The following SYNJ1 variants were observed in gnomAD, a reference collection of about 807,000 sequenced individuals.
SYNJ1 encodes the protein polyphosphatidylinositol phosphatase SYNJ1.
A neutral mutation model predicts 168.2 loss-of-function variants in SYNJ1; 78 were observed. The ratio of observed to expected loss-of-function variants is 0.46; its 90% CI spans 0.39 to 0.56. The LOEUF (loss-of-function observed/expected upper bound fraction) is 0.56. Among genes scored for constraint, SYNJ1 ranks in the 20% least tolerant of loss-of-function variants. SYNJ1 has a pLI of 0.00. For missense variants in SYNJ1, 1,303 were observed against 1,597.6 expected (o/e 0.82, Z 3.14); for synonymous variants, 539 against 548.6 (o/e 0.98, Z 0.24).
chr21:32,637,552 G>A (rs2039632346), intron 31 of SYNJ1, among the ~76,000 whole-genome samples: 1 of 151,738 alleles, frequency 6.6e-6, no homozygotes, highest in African/African-American at 2.4e-5. Context: ...GGGACTACAG[G>A]CGCACACCAC....
intron 32 of SYNJ1, among the ~76,000 whole-genome samples, chr21:32,633,464 C>T (rs1430776624): frequency 6.6e-6 from 1 of 152,068 alleles, no homozygotes; most frequent in Non-Finnish European, 1.5e-5. Flanking sequence ...GTATATAATT[C>T]TTAAAACTAG....
chr21:32,715,585 T>C (rs1601525967), intron 2 of SYNJ1, among the ~76,000 whole-genome samples: 1 of 152,108 alleles, frequency 6.6e-6, no homozygotes, highest in East Asian at 1.9e-4. Context: ...ATTCAAGAGA[T>C]TACAGCAATC....
Position 32,631,038 on chromosome 21 carries a change from A to G in SYNJ1, c.*767T>C, listed in dbSNP as rs764949465. The stretch of plus-strand genomic sequence containing the variant: ...CAGTGTGGGTGAAGCCTTAGAGGCC[A>G]AGGTCGTGAAAGGATCTACTGGAGG... On this transcript the variant is annotated 3_prime_UTR_variant, in exon 33 of 33. Transcript: ENST00000674351. 2 of 1,614,098 alleles carry G rather than the reference A, an allele frequency of 1.2e-6. No homozygotes were observed. The highest frequency in any genetic ancestry group is 1.7e-6 in the Non-Finnish European group (2 of 1,180,010).
chr21:32,669,963 T>C (rs190060012), intron 15 of SYNJ1, among the ~76,000 whole-genome samples: 1 of 152,318 alleles, frequency 6.6e-6, no homozygotes, highest in Admixed American at 6.5e-5. Context: ...GAAAAAGTTA[T>C]TTTTCAAAAA....
intron 30 of SYNJ1, 36 bp downstream of exon 30, chr21:32,639,635 T>C (rs760377581): frequency 6.4e-7 from 1 of 1,569,886 alleles, no homozygotes; most frequent in South Asian, 1.1e-5. Context: ...TGGGCTCAAG[T>C]GATCCTCCTG....
Position 32,694,208 on chromosome 21 carries a change from A to G in SYNJ1, c.789+20T>C. ...GAAAATTGTTCAAAAAACAAAAATAACTGAATGTCAAACACATACTTGCAA... is the reference window on the plus strand; with the variant it reads ...GAAAATTGTTCAAAAAACAAAAATAGCTGAATGTCAAACACATACTTGCAA... On this transcript the variant is annotated intron_variant, in intron 6 of 32. Coordinates refer to ENST00000674351, the MANE Select transcript of SYNJ1 (RefSeq NM_203446.3). 1 of 1,512,920 alleles carries G rather than the reference A, an allele frequency of 6.6e-7. No individual in the cohort carries two copies. The highest frequency in any genetic ancestry group is 1.4e-5 in the African/African-American group (1 of 69,344). 93.7% of individuals were successfully genotyped at this position (1,512,920 alleles called of 1,614,324 possible). A position where few individuals can be genotyped will look rare whatever the true frequency, so the allele number is the denominator to read the frequency against.
intron 2 of SYNJ1, among the ~76,000 whole-genome samples, chr21:32,708,650 C>T (rs1335691414): frequency 2.0e-5 from 3 of 152,282 alleles, no homozygotes; most frequent in African/African-American, 4.8e-5. Flanking sequence ...TGCTATAACA[C>T]CTCAGGAATA....
intron 2 of SYNJ1, among the ~76,000 whole-genome samples, chr21:32,703,059 T>A (rs768118134): frequency 6.6e-6 from 1 of 152,270 alleles, no homozygotes; most frequent in Non-Finnish European, 1.5e-5. Context: ...CTATAGAACA[T>A]CTCACTTTCC....
intron 18 of SYNJ1, among the ~76,000 whole-genome samples, chr21:32,660,178 AAAC>A (rs1375813430): frequency 6.6e-6 from 1 of 152,190 alleles, no homozygotes; most frequent in African/African-American, 2.4e-5. Context: ...CTATCTCTCA[AAAC>A]AACTAGATGG....
At chr21:32,712,411 CATAT>C (rs1255700072) in intron 2 of SYNJ1, among the ~76,000 whole-genome samples, 1 of 152,112 alleles carries the variant, frequency 6.6e-6, no homozygotes, top group East Asian at 1.9e-4. Flanking sequence ...TCCATTTCAT[CATAT>C]ATAAAGAGAA....
Position 32,639,653 on chromosome 21 carries a change from C to T in SYNJ1, c.3697+18G>A. ...GCTCAAGTGATCCTCCTGCCTCAGC[C>T]TCCCAAAGAGGACCTACCTTTCGAC... On this transcript the variant is annotated intron_variant, in intron 30 of 32. Coordinates refer to ENST00000674351, the MANE Select transcript of SYNJ1 (RefSeq NM_203446.3). The T allele has an allele frequency of 1.2e-6, 2 of 1,608,422 alleles. No individual in the cohort carries two copies. The highest frequency in any genetic ancestry group is 1.7e-6 in the Non-Finnish European group (2 of 1,175,524).
chr21:32,668,007 ATATG>A (rs1239508665), intron 15 of SYNJ1, among the ~76,000 whole-genome samples: 75 of 96,084 alleles, frequency 7.8e-4, no homozygotes, highest in South Asian at 3.3e-3. Context: ...AGAAGAATAT[ATATG>A]TGTGTGTGTG....
At chr21:32,701,811 A>G (rs1006955401) in intron 3 of SYNJ1, 150 bp downstream of exon 3, 1 of 532,496 alleles carries the variant, frequency 1.9e-6, no homozygotes, top group Non-Finnish European at 3.1e-6. Context: ...CATTATCACA[A>G]TATTAGCTAC....
chr21:32,706,947 A>T lies in SYNJ1; in HGVS notation c.125-4900T>A, dbSNP rs1475841. ...GTATAATCTTTAGATAAAATACAGCACTTGGAAATATTTTACAATCATCAC... is the reference window on the plus strand; with the variant it reads ...GTATAATCTTTAGATAAAATACAGCTCTTGGAAATATTTTACAATCATCAC... On this transcript the variant is annotated intron_variant, in intron 2 of 32. Transcript: ENST00000674351. Among the ~76,000 whole-genome samples, 18 of 152,132 alleles carry T rather than the reference A, an allele frequency of 1.2e-4. No individual in the cohort carries two copies. The East Asian group carries it at 3.5e-3, about 29-fold the overall frequency.
At position 32,646,578 on chromosome 21, in the gene SYNJ1, T is replaced by C; in HGVS notation, c.3062A>G (p.Glu1021Gly). 6.2e-7 allele frequency: 1 copy of C among 1,614,142 alleles called. No individual in the cohort carries two copies. Among genetic ancestry groups the C allele is most frequent in the South Asian group, 1.1e-5 (1 of 91,078 alleles). Residue 1021 changes from glutamate (E) to glycine (G), a missense_variant, in exon 24 of 33, where the codon GAA becomes GGA. Glu to Gly is a moderately conservative substitution (Grantham distance 98, BLOSUM62 -2). Transcript: ENST00000674351. ...ATGCTGAGGAAGAAGTTCCTCCACT[T>C]CAGCACTATAGTCATCAACATCACC... ...MEGDVDDYSA[E>G]VEELLPQHLQ...
chr21:32,638,362 A>G (rs2039673394), intron 31 of SYNJ1, among the ~76,000 whole-genome samples: 1 of 152,256 alleles, frequency 6.6e-6, no homozygotes, highest in African/African-American at 2.4e-5. Context: ...AGTTTTTTCA[A>G]AAGAGTTTAA....
chr21:32,706,738 T>C (rs1229802539), intron 2 of SYNJ1, among the ~76,000 whole-genome samples: 1 of 152,118 alleles, frequency 6.6e-6, no homozygotes, highest in African/African-American at 2.4e-5. Context: ...GGAAAAAAGA[T>C]TTCCTTATTT....
At chr21:32,709,471 C>CT (rs1223491677) in intron 2 of SYNJ1, among the ~76,000 whole-genome samples, 1 of 92,794 alleles carries the variant, frequency 1.1e-5, no homozygotes, top group Non-Finnish European at 2.0e-5. Flanking sequence ...CAGCAAGACT[C>CT]TGTCTCAAAA....
chr21:32,646,810 CTG>C (rs1283660199), intron 23 of SYNJ1, among the ~76,000 whole-genome samples: 5 of 152,172 alleles, frequency 3.3e-5, no homozygotes, highest in African/African-American at 9.7e-5. Flanking sequence ...TCTATTGTCT[CTG>C]AGCAATAAGA....
Sources: gnomAD v4.1 joint callset for allele counts (sites outside exome capture counted in the v4.1 genomes callset) on GRCh38, gnomAD v4.1.1 for gene constraint, MANE v1.5 for transcripts, NCBI Gene and HGNC (gene_info 2026-07-23, HGNC 2026-07-21) for gene names.